LAMC3: variants seen among roughly 807,000 people sequenced by gnomAD.
The protein encoded by LAMC3 is laminin subunit gamma 3, also known as laminin subunit gamma-3.
Under a neutral mutation model 173.8 loss-of-function variants are expected in LAMC3, and 128 were observed. That is an observed-to-expected ratio of 0.74 (90% CI 0.64 to 0.85). The LOEUF is 0.85. Ranked by LOEUF, LAMC3 falls within the 40% of genes least tolerant of loss-of-function variation. LAMC3 has a pLI of 0.00. For synonymous variants in LAMC3, 897 were observed against 909.1 expected, an observed-to-expected ratio of 0.99 and a Z score of 0.24; for missense variants, 2,022 against 2,156.0, an observed-to-expected ratio of 0.94 and a Z score of 1.23.
rs760453075 is a variant in LAMC3 at position 131,029,634 on chromosome 9, G to A, written c.679-2411G>A. On this transcript the variant is annotated intron_variant, in intron 2 of 27. Transcript: ENST00000361069. The surrounding 1 kb of genome is among the most constrained non-coding windows in gnomAD (Gnocchi z 4.6). Reference sequence around the variant, plus strand: ...CCCTCTGGACACATTTAGGGGGCAGGTGCTTTCTCAGAGGACACAGAGCTT... The same window carrying A: ...CCCTCTGGACACATTTAGGGGGCAGATGCTTTCTCAGAGGACACAGAGCTT... Among the ~76,000 whole-genome samples, 24 of 152,232 alleles carry A rather than the reference G, an allele frequency of 1.6e-4. No individual in the cohort carries two copies. Among genetic ancestry groups the A allele is most frequent in the Non-Finnish European group, 2.6e-4 (18 of 68,046 alleles).
At position 131,059,674 on chromosome 9, in the gene LAMC3, C is replaced by T. The variant is rs114779641; in HGVS notation, c.2159-1361C>T. Among the ~76,000 whole-genome samples, 65 of 152,238 alleles carry T rather than the reference C, an allele frequency of 4.3e-4. 1 individual carries two copies. Among genetic ancestry groups the T allele is most frequent in the Middle Eastern group, 3.4e-3 (1 of 294 alleles). ...CCTGCTGCAGTGCTTCCTGCAGCCCCTGTGGAGGAAGCAGGGTCCTCCCAT... is the reference window on the plus strand; with the variant it reads ...CCTGCTGCAGTGCTTCCTGCAGCCCTTGTGGAGGAAGCAGGGTCCTCCCAT... On this transcript the variant is annotated intron_variant, in intron 12 of 27. Coordinates refer to ENST00000361069, the MANE Select transcript of LAMC3 (RefSeq NM_006059.4).
At chr9:131,012,409 G>A (rs1056498013) in intron 1 of LAMC3, among the ~76,000 whole-genome samples, 1 of 152,224 alleles carries the variant, frequency 6.6e-6, no homozygotes, top group Non-Finnish European at 1.5e-5. Flanking sequence ...ATGAGCCCGG[G>A]TCGGAGCCAT....
chr9:131,056,502 AAAAT>A (rs1340565207), intron 11 of LAMC3, among the ~76,000 whole-genome samples: 20 of 151,770 alleles, frequency 1.3e-4, no homozygotes, highest in African/African-American at 4.6e-4. Context: ...TTGAAAAATA[AAAAT>A]AAAAATCAAC....
At chr9:131,037,280 T>A (rs1302540016) in intron 4 of LAMC3, among the ~76,000 whole-genome samples, 2 of 152,292 alleles carry the variant, frequency 1.3e-5, no homozygotes, top group African/African-American at 4.8e-5. Flanking sequence ...TGTCTCTCAG[T>A]CAGCAGCCTG....
chr9:131,051,192 A>C (rs1195897328), intron 9 of LAMC3, among the ~76,000 whole-genome samples: 1 of 152,116 alleles, frequency 6.6e-6, no homozygotes, highest in Admixed American at 6.6e-5. Context: ...GTTCCCAAAT[A>C]GGGGGAAGTA....
intron 8 of LAMC3, among the ~76,000 whole-genome samples, chr9:131,046,732 A>G (rs972394283): frequency 2.0e-5 from 3 of 151,758 alleles, no homozygotes; most frequent in Non-Finnish European, 4.4e-5. Context: ...ATATTTAAAG[A>G]GGAAAGCAGC....
At chr9:131,016,922 A>C (rs1320873798) in intron 1 of LAMC3, among the ~76,000 whole-genome samples, 9 of 150,246 alleles carry the variant, frequency 6.0e-5, no homozygotes, top group Non-Finnish European at 2.9e-5. Flanking sequence ...ACTGGAGAAA[A>C]CACATTTCTA....
At position 131,026,281 on chromosome 9, in the gene LAMC3, G is replaced by T. The variant is rs1418978519; in HGVS notation, c.374-4G>T. The T allele has an allele frequency of 6.2e-7, 1 of 1,614,052 alleles. No individual in the cohort carries two copies. The highest frequency in any genetic ancestry group is 8.5e-7 in the Non-Finnish European group (1 of 1,179,980). On this transcript the variant is annotated splice_region_variant and splice_polypyrimidine_tract_variant and intron_variant, in intron 1 of 27. Coordinates refer to ENST00000361069, the MANE Select transcript of LAMC3 (RefSeq NM_006059.4). This position sits in a 1 kb window ranked among gnomAD's most constrained non-coding sequence, Gnocchi z 4.8. ...TAAAATGGGCCCCGTTTTCCTGGCT[G>T]CAGGGAAGGCTTATGAGATCACGTA...
chr9:131,039,217 G>T lies in LAMC3; in HGVS notation c.1252G>T (p.Gly418Trp). 1 of 1,607,128 alleles carries T rather than the reference G, an allele frequency of 6.2e-7. No individual in the cohort carries two copies. ...TGWKCDRCLP[G>W]FHSLSEGGCR... is the part of the protein sequence containing the mutation. ...CTGGAAGTGTGACCGCTGTCTGCCC[G>T]GGTTCCACTCGCTCAGTGAGGGAGG... The change falls in exon 6 of 28, where the codon GGG (glycine) becomes TGG (tryptophan). Residue 418 changes from glycine to tryptophan, a missense_variant. By Grantham distance (184) the Gly-to-Trp change is radical. Transcript: ENST00000361069.
chr9:131,049,983 C>T lies in LAMC3; in HGVS notation c.1630+853C>T, dbSNP rs555079923. On this transcript the variant is annotated intron_variant, in intron 9 of 27. Transcript: ENST00000361069. The stretch of plus-strand genomic sequence containing the variant: ...GACCAGCTCTGCCCTTTCCCTCCCT[C>T]CCTCTGCCAGAGAGGCCGGGGAGAT... 1.9e-4 allele frequency among the ~76,000 whole-genome samples: 29 copies of T among 152,342 alleles called. No individual in the cohort carries two copies. In the South Asian group the frequency reaches 3.9e-3, roughly 21 times the overall value.
rs118147471 is a variant in LAMC3 at position 131,012,258 on chromosome 9, T to A, written c.373+2671T>A. Among the ~76,000 whole-genome samples, 1,138 of 152,200 alleles carry A rather than the reference T, an allele frequency of 7.5e-3. 10 individuals are homozygous for A. The highest frequency in any genetic ancestry group is 9.3e-3 in the South Asian group (45 of 4,822). ...GCCTGCTCTGGGAGGCAGAATAGGA[T>A]AGAAATCACGAAAGGAGGCTTTGGA... is the stretch of plus-strand genomic sequence containing the variant. On this transcript the variant is annotated intron_variant, in intron 1 of 27. Transcript: ENST00000361069.
rs546847745 is a variant in LAMC3 at position 131,009,465 on chromosome 9, G to A, written c.251G>A (p.Arg84His). The A allele has an allele frequency of 3.2e-6, 5 of 1,548,540 alleles. No individual in the cohort carries two copies. In the South Asian group the frequency reaches 6.0e-5, roughly 18 times the overall value. Residue 84 changes from arginine to histidine, a missense_variant, in exon 1 of 28, where the codon CGC becomes CAC. Coordinates refer to ENST00000361069, the MANE Select transcript of LAMC3 (RefSeq NM_006059.4). The surrounding 1 kb of genome is among the most constrained non-coding windows in gnomAD (Gnocchi z 4.3). ...CQRCDAADPQ[R>H]HHNASYLTDF... ...CGCTGCGACGCCGCCGACCCCCAGC[G>A]CCACCACAACGCCTCCTACCTCACC...
chr9:131,045,620 C>T lies in LAMC3; in HGVS notation c.1479C>T (p.Ala493=), dbSNP rs1479623744. The T allele has an allele frequency of 6.2e-7, 1 of 1,614,210 alleles. No homozygotes were observed. The highest frequency in any genetic ancestry group is 1.1e-5 in the South Asian group (1 of 91,090). ...YGHSKVCAST[A]QFQVHHILSD... Reference sequence around the variant, plus strand: ...ACTCCAAGGTGTGCGCGTCCACTGCCCAGTTCCAGGTGCATCACATCCTCA... The same window carrying T: ...ACTCCAAGGTGTGCGCGTCCACTGCTCAGTTCCAGGTGCATCACATCCTCA... Residue 493 remains alanine, a synonymous_variant, in exon 8 of 28, where the codon GCC becomes GCT. Coordinates refer to ENST00000361069, the MANE Select transcript of LAMC3 (RefSeq NM_006059.4).
At chr9:131,050,285 G>A (rs74401045) in intron 9 of LAMC3, among the ~76,000 whole-genome samples, 5,454 of 152,324 alleles carry the variant, frequency 0.036, 307 homozygotes, top group African/African-American at 0.12. Context: ...GCAGCTGGAG[G>A]TGAGGGCATG....
intron 20 of LAMC3, 47 bp from the exon 21 acceptor site, chr9:131,075,784 C>T (rs1330454165): frequency 2.5e-6 from 4 of 1,579,964 alleles, no homozygotes; most frequent in Admixed American, 3.5e-5. Flanking sequence ...TCCTGGGCCC[C>T]TTCCCTGCGA....
At chr9:131,068,791 A>T (rs1829988717) in intron 15 of LAMC3, 117 bp from the exon 16 acceptor site, 1 of 1,063,036 alleles carries the variant, frequency 9.4e-7, no homozygotes, top group Non-Finnish European at 1.4e-6. Context: ...CCGAGAGGAG[A>T]TGGGGTCTTG....
chr9:131,035,942 TGG>T (rs1833935489), intron 3 of LAMC3, among the ~76,000 whole-genome samples: 1 of 152,044 alleles, frequency 6.6e-6, no homozygotes, highest in African/African-American at 2.4e-5. Context: ...TCTATGGGGG[TGG>T]TAACAGGCTG....
Position 131,062,385 on chromosome 9 carries a change from C to G in LAMC3, c.2347+1162C>G, listed in dbSNP as rs536203399. 3.0e-4 allele frequency among the ~76,000 whole-genome samples: 46 copies of G among 152,154 alleles called. 1 individual carries two copies. In the South Asian group the frequency reaches 8.1e-3, roughly 27 times the overall value. ...TCAAAAAATAAAATAAAGTATAATTCAATGACTTTTGACATGTTACAATAG... is the reference window on the plus strand; with the variant it reads ...TCAAAAAATAAAATAAAGTATAATTGAATGACTTTTGACATGTTACAATAG... On this transcript the variant is annotated intron_variant, in intron 13 of 27. Transcript: ENST00000361069.
intron 8 of LAMC3, among the ~76,000 whole-genome samples, chr9:131,047,613 A>G (rs1380052616): frequency 2.8e-5 from 4 of 144,860 alleles, no homozygotes; most frequent in African/African-American, 1.0e-4. Context: ...GCACTCTGGG[A>G]GGCCGGGGTG....
Sources: gnomAD v4.1 joint callset for allele counts (sites outside exome capture counted in the v4.1 genomes callset) on GRCh38, gnomAD v4.1.1 for gene constraint, Gnocchi (gnomAD v3.1) non-coding constraint, MANE v1.5 for transcripts, NCBI Gene and HGNC (gene_info 2026-07-23, HGNC 2026-07-21) for gene names.